CCDC126: variants seen among roughly 807,000 people sequenced by gnomAD.
CCDC126 encodes coiled-coil domain containing 126, also known as coiled-coil domain-containing protein 126.
Under a neutral mutation model 11.7 loss-of-function variants are expected in CCDC126, and 5 were observed. That is an observed-to-expected ratio of 0.43 (90% CI 0.22 to 0.90). The LOEUF (loss-of-function observed/expected upper bound fraction) is 0.90, where lower values mean the gene tolerates loss of function less well. Ranked by LOEUF, CCDC126 falls within the 40% of genes least tolerant of loss-of-function variation. The pLI is 0.27. For missense variants in CCDC126, 150 were observed against 163.1 expected, an observed-to-expected ratio of 0.92 and a Z score of 0.44; for synonymous variants, 60 against 61.9, an observed-to-expected ratio of 0.97 and a Z score of 0.14.
chr7:23,623,141 T>A (rs1243837195), intron 3 of CCDC126, among the ~76,000 whole-genome samples: 2 of 7,162 alleles, frequency 2.8e-4, no homozygotes, highest in African/African-American at 2.4e-3. Context: ...GCCCAGCTGA[T>A]TTTTTTTTTT....
At position 23,638,954 on chromosome 7, in the gene CCDC126, A is replaced by G. The variant is rs551972529; in HGVS notation, c.239-3977A>G. Among the ~76,000 whole-genome samples, 4 of 150,982 alleles carry G rather than the reference A, an allele frequency of 2.6e-5. No homozygotes were observed. The South Asian group carries it at 8.3e-4, about 32-fold the overall frequency. ...ATAAAGGAGGTGATTGCCATGGAAA[A>G]GGAGATCCAGTATTTATGATTTAGT... On this transcript the variant is annotated intron_variant, in intron 3 of 3. Coordinates refer to ENST00000307471, the MANE Select transcript of CCDC126 (RefSeq NM_138771.4).
At chr7:23,611,621 C>CTTATTA in intron 3 of CCDC126, 68 bp downstream of exon 3, 1 of 1,121,686 alleles carries the variant, frequency 8.9e-7, no homozygotes, top group African/African-American at 1.5e-5. Flanking sequence ...GGAAATTGAA[C>CTTATTA]TTATTACTTC....
intron 3 of CCDC126, among the ~76,000 whole-genome samples, chr7:23,614,671 G>A (rs1782768092): frequency 6.6e-6 from 1 of 152,100 alleles, no homozygotes; most frequent in Admixed American, 6.5e-5. Flanking sequence ...CTCCTTTATC[G>A]ATGGGCAGGA....
At chr7:23,640,030 A>G (rs1434461419) in intron 3 of CCDC126, among the ~76,000 whole-genome samples, 5 of 151,820 alleles carry the variant, frequency 3.3e-5, no homozygotes, top group Admixed American at 1.3e-4. Context: ...TAAAAATACA[A>G]AAATTAGCTG....
intron 3 of CCDC126, among the ~76,000 whole-genome samples, chr7:23,621,040 T>G (rs964867571): frequency 2.6e-5 from 4 of 152,236 alleles, no homozygotes; most frequent in African/African-American, 9.6e-5. Context: ...TCTTTTGGCT[T>G]AGGACTGACT....
chr7:23,603,849 G>A (rs1484820330), intron 2 of CCDC126, among the ~76,000 whole-genome samples: 1 of 152,176 alleles, frequency 6.6e-6, no homozygotes, highest in Non-Finnish European at 1.5e-5. Context: ...GCTCTGTGGG[G>A]GATGTGGCAG....
chr7:23,625,328 G>A (rs1325168028), intron 3 of CCDC126, among the ~76,000 whole-genome samples: 1 of 152,078 alleles, frequency 6.6e-6, no homozygotes, highest in Non-Finnish European at 1.5e-5. Context: ...GTGGAATTTT[G>A]GGGTCAAGGA....
rs1197205769 is a variant in CCDC126 at position 23,643,099 on chromosome 7, C to T, written c.407C>T (p.Ser136Leu). ...PVTTNKRTNV[S>L]GSIR ...ACCACAAATAAAAGAACGAATGTCT[C>T]GGGCAGTATCAGATAGCAGTTGAAA... The change falls in exon 4 of 4, where the codon TCG (serine) becomes TTG (leucine). Residue 136 changes from serine (S) to leucine (L), a missense_variant. Transcript: ENST00000307471. 7.4e-6 allele frequency: 12 copies of T among 1,613,630 alleles called. No homozygotes were observed. The highest frequency in any genetic ancestry group is 1.7e-5 in the Admixed American group (1 of 59,938).
At chr7:23,636,243 C>T (rs867624636) in intron 3 of CCDC126, among the ~76,000 whole-genome samples, 3 of 152,134 alleles carry the variant, frequency 2.0e-5, no homozygotes, top group South Asian at 4.1e-4. Flanking sequence ...TGCCTTGGCC[C>T]CCCAAAGTGC....
At chr7:23,636,628 C>A (rs903562000) in intron 3 of CCDC126, among the ~76,000 whole-genome samples, 3 of 139,828 alleles carry the variant, frequency 2.1e-5, no homozygotes, top group Non-Finnish European at 4.7e-5. Context: ...TGCCTGGCAA[C>A]CGCCCCGTCT....
chr7:23,627,278 G>A (rs1783031922), intron 3 of CCDC126, among the ~76,000 whole-genome samples: 1 of 152,044 alleles, frequency 6.6e-6, no homozygotes, highest in South Asian at 2.1e-4. Context: ...CACTCTGGGG[G>A]ACTGAGGCAG....
chr7:23,624,271 C>T lies in CCDC126; in HGVS notation c.238+12718C>T, dbSNP rs189377260. 1.7e-4 allele frequency among the ~76,000 whole-genome samples: 26 copies of T among 152,288 alleles called. 2 individuals are homozygous for T. The highest frequency in any genetic ancestry group is 4.3e-4 in the African/African-American group (18 of 41,564). ...TTATTCTAAATGCCTGTGTTCACTT[C>T]ACCATCTTTACCTGGGAATGCCCTG... On this transcript the variant is annotated intron_variant, in intron 3 of 3. Coordinates refer to ENST00000307471, the MANE Select transcript of CCDC126 (RefSeq NM_138771.4).
chr7:23,622,623 T>C, intron 3 of CCDC126: 1 of 536,194 alleles, frequency 1.9e-6, no homozygotes, highest in Admixed American at 1.9e-5. Context: ...GCTCTAAGGA[T>C]AGCCAAGGAT....
chr7:23,624,402 C>CA (rs1337536353), intron 3 of CCDC126, among the ~76,000 whole-genome samples: 1 of 152,166 alleles, frequency 6.6e-6, no homozygotes, highest in Non-Finnish European at 1.5e-5. Flanking sequence ...CTCGGCCTCT[C>CA]AAAGTGCTGG....
At position 23,633,061 on chromosome 7, in the gene CCDC126, C is replaced by T. The variant is rs143694859; in HGVS notation, c.239-9870C>T. 1.7e-3 allele frequency among the ~76,000 whole-genome samples: 257 copies of T among 152,184 alleles called. 4 individuals carry two copies. Among genetic ancestry groups the T allele is most frequent in the African/African-American group, 5.6e-3 (231 of 41,528 alleles). On this transcript the variant is annotated intron_variant, in intron 3 of 3. Coordinates refer to ENST00000307471, the MANE Select transcript of CCDC126 (RefSeq NM_138771.4). ...AGGCTGGAGTGCAATGGCGCGATCTCGGCTCACCATAACCTCCACTTCCTG... is the reference window on the plus strand; with the variant it reads ...AGGCTGGAGTGCAATGGCGCGATCTTGGCTCACCATAACCTCCACTTCCTG...
At position 23,643,051 on chromosome 7, in the gene CCDC126, C is replaced by T; in HGVS notation, c.359C>T (p.Thr120Ile). The stretch of plus-strand genomic sequence containing the variant: ...TCAGCAGCCAACACCACCAATGGTA[C>T]TAGTGGGAATTTGGTGCCAGTAACC... ...NGSAANTTNG[T>I]SGNLVPVTTN... The change falls in exon 4 of 4, where the codon ACT (threonine) becomes ATT (isoleucine). Residue 120 changes from threonine (T) to isoleucine (I), a missense_variant. Coordinates refer to ENST00000307471, the MANE Select transcript of CCDC126 (RefSeq NM_138771.4). The T allele has an allele frequency of 6.2e-7, 1 of 1,614,058 alleles. No homozygotes were observed. The highest frequency in any genetic ancestry group is 8.5e-7 in the Non-Finnish European group (1 of 1,179,964).
chr7:23,622,348 A>T (rs1782919418), intron 3 of CCDC126: 1 of 266,086 alleles, frequency 3.8e-6, no homozygotes, highest in South Asian at 3.8e-5. Context: ...TTTCTTCTAG[A>T]TTTTCTAGTT....
intron 3 of CCDC126, among the ~76,000 whole-genome samples, chr7:23,623,365 G>T (rs1212437893): frequency 6.6e-6 from 1 of 152,066 alleles, no homozygotes; most frequent in African/African-American, 2.4e-5. Context: ...GAGAGGCCGA[G>T]GTGGGCGGAT....
chr7:23,606,347 T>C lies in CCDC126; in HGVS notation c.-145-4824T>C, dbSNP rs189349931. Among the ~76,000 whole-genome samples, 3 of 152,268 alleles carry C rather than the reference T, an allele frequency of 2.0e-5. No homozygotes were observed. In the East Asian group the frequency reaches 5.8e-4, roughly 29 times the overall value. The stretch of plus-strand genomic sequence containing the variant: ...TGCTGGGATTACAGGTGTGAGCCAC[T>C]GTGCCTGGCCTCATAGTGGTTTTAA... On this transcript the variant is annotated intron_variant, in intron 2 of 3. Transcript: ENST00000307471.
Sources: allele counts gnomAD v4.1 joint callset (sites outside exome capture counted in the v4.1 genomes callset), GRCh38; gene constraint gnomAD v4.1.1; transcripts MANE v1.5; gene names NCBI Gene and HGNC (gene_info 2026-07-23, HGNC 2026-07-21).